Variants in UBE2V2 observed in about 807,000 individuals in gnomAD.
UBE2V2 encodes ubiquitin-conjugating enzyme E2 variant 2.
A neutral mutation model predicts 17.2 loss-of-function variants in UBE2V2; 9 were observed. The observed-to-expected ratio is 0.52, with a 90% CI of 0.32 to 0.91. The LOEUF is 0.91. Among genes scored for constraint, UBE2V2 ranks in the 40% least tolerant of loss-of-function variants. The pLI is 0.04. For missense variants in UBE2V2, 133 were observed against 182.6 expected (o/e 0.73, Z 1.56); for synonymous variants, 61 against 57.5 (o/e 1.06, Z -0.28).
chr8:48,022,685 C>G (rs750424652), intron 1 of UBE2V2, among the ~76,000 whole-genome samples: 1 of 152,076 alleles, frequency 6.6e-6, no homozygotes, highest in Non-Finnish European at 1.5e-5. Flanking sequence ...TAAGGCAGGT[C>G]TTGTGGTGAT....
At chr8:48,053,705 C>T (rs376501187) in intron 3 of UBE2V2, among the ~76,000 whole-genome samples, 32 of 152,042 alleles carry the variant, frequency 2.1e-4, no homozygotes, top group Non-Finnish European at 1.5e-4. Context: ...AGATTACAGG[C>T]GTGAGCCACC....
At chr8:48,008,300 C>G, upstream of UBE2V2, 1 of 940,212 alleles carries the variant, frequency 1.1e-6, no homozygotes, top group Middle Eastern at 3.6e-4. Flanking sequence ...CGAGGCCCCG[C>G]GACCCCTCGG....
intron 3 of UBE2V2, among the ~76,000 whole-genome samples, chr8:48,051,038 G>A (rs2091533270): frequency 6.6e-6 from 1 of 152,054 alleles, no homozygotes; most frequent in Non-Finnish European, 1.5e-5. Context: ...GGTAGAGATG[G>A]GGTTTCGTCA....
the UBE2V2 span, among the ~76,000 whole-genome samples, chr8:48,002,039 A>G: frequency 6.6e-6 from 1 of 152,004 alleles, no homozygotes; most frequent in African/African-American, 2.4e-5. Context: ...CAGTGAGCTG[A>G]GATTGCGCTA....
At chr8:48,018,447 G>A (rs1002055378) in intron 1 of UBE2V2, among the ~76,000 whole-genome samples, 15 of 152,036 alleles carry the variant, frequency 9.9e-5, no homozygotes, top group Non-Finnish European at 1.9e-4. Context: ...TAACTTCCAT[G>A]TTTTTGTGAA....
intron 1 of UBE2V2, chr8:48,035,107 CTTTTTTTTT>C (rs578114987): frequency 7.0e-6 from 6 of 855,592 alleles, no homozygotes; most frequent in African/African-American, 5.3e-5. Context: ...CCTATTTATT[CTTTTTTTTT>C]TTTTTTTTTT....
upstream of UBE2V2, among the ~76,000 whole-genome samples, chr8:48,007,317 A>G (rs930215395): frequency 1.3e-5 from 2 of 152,286 alleles, 1 homozygote; most frequent in African/African-American, 4.8e-5. Context: ...AGGAAGTCAA[A>G]TTGTCTCTGT....
intron 1 of UBE2V2, among the ~76,000 whole-genome samples, chr8:48,015,839 G>A (rs992593906): frequency 1.3e-5 from 2 of 151,300 alleles, no homozygotes; most frequent in Non-Finnish European, 2.9e-5. Context: ...TTTATGATTG[G>A]AACAGTGTCC....
In UBE2V2 at chr8:48,061,865, CA is replaced by C. The variant is rs1291745554; in HGVS notation, c.*1040del. The C allele has an allele frequency of 6.6e-5, 10 of 152,086 alleles. No individual in the cohort carries two copies. The highest frequency in any genetic ancestry group is 2.2e-4 in the African/African-American group (9 of 41,404). The allele number at this position is 152,086 out of a possible 1,614,324, so 9.4% of individuals were successfully genotyped here. A position where few individuals can be genotyped will look rare whatever the true frequency, so the allele number is the denominator to read the frequency against. On this transcript the variant is annotated 3_prime_UTR_variant, in exon 4 of 4. Transcript: ENST00000523111. Reference sequence around the variant, plus strand: ...TTAGGATTATAGGTTGCAAATTATCCAAATATATATCCCATTTTTTAAAGCA... The same window carrying C: ...TTAGGATTATAGGTTGCAAATTATCCAATATATATCCCATTTTTTAAAGCA...
At chr8:48,042,922 T>C (rs2091473728) in intron 1 of UBE2V2, 111 bp from the exon 2 acceptor site, 4 of 1,128,608 alleles carry the variant, frequency 3.5e-6, no homozygotes, top group South Asian at 3.3e-5. Context: ...GGGGATTTGG[T>C]CTTTTTGGGA....
At chr8:48,054,231 C>T (rs913618014) in intron 3 of UBE2V2, among the ~76,000 whole-genome samples, 3 of 152,164 alleles carry the variant, frequency 2.0e-5, no homozygotes, top group African/African-American at 7.2e-5. Flanking sequence ...GTGGCCTGCC[C>T]CTTTCCATGG....
At chr8:48,044,078 T>C (rs2091482421) in intron 2 of UBE2V2, among the ~76,000 whole-genome samples, 1 of 152,202 alleles carries the variant, frequency 6.6e-6, no homozygotes, top group South Asian at 2.1e-4. Flanking sequence ...TTTTGTATAC[T>C]GGTTGCTACC....
intron 1 of UBE2V2, among the ~76,000 whole-genome samples, chr8:48,022,617 G>C (rs1292498761): frequency 6.6e-6 from 1 of 151,998 alleles, no homozygotes; most frequent in Non-Finnish European, 1.5e-5. Context: ...AGATGTTTTT[G>C]TGTTACTCAT....
chr8:48,017,169 TTGA>T (rs1237715864), intron 1 of UBE2V2, among the ~76,000 whole-genome samples: 1 of 152,132 alleles, frequency 6.6e-6, no homozygotes, highest in African/African-American at 2.4e-5. Flanking sequence ...TTGCATTTCT[TTGA>T]TGATTAGTGA....
At chr8:48,003,261 T>C in the UBE2V2 span, among the ~76,000 whole-genome samples, 11 of 151,156 alleles carry the variant, frequency 7.3e-5, no homozygotes, top group Admixed American at 7.3e-4. Flanking sequence ...ATAACAGAAT[T>C]GTTGATTGCT....
In UBE2V2 at chr8:48,035,851, G is replaced by A. The variant is rs569354149; in HGVS notation, c.17-7182G>A. ...GGTTGCAGTGAGCTGAGATCATGCCGCTGCACTGTAGCCTGGGTGACAGAG... is the reference window on the plus strand; with the variant it reads ...GGTTGCAGTGAGCTGAGATCATGCCACTGCACTGTAGCCTGGGTGACAGAG... On this transcript the variant is annotated intron_variant, in intron 1 of 3. Transcript: ENST00000523111. Among the ~76,000 whole-genome samples, 432 of 150,382 alleles carry A rather than the reference G, an allele frequency of 2.9e-3. 3 individuals carry two copies. Among genetic ancestry groups the A allele is most frequent in the African/African-American group, 0.01 (423 of 40,944 alleles).
At chr8:48,008,350 C>A, upstream of UBE2V2, 1 of 1,394,550 alleles carries the variant, frequency 7.2e-7, no homozygotes, top group Non-Finnish European at 9.3e-7. Context: ...CCGCGCCCGC[C>A]GGGGGCGGAG....
upstream of UBE2V2, among the ~76,000 whole-genome samples, chr8:48,005,712 T>C (rs1357247002): frequency 6.6e-6 from 1 of 152,258 alleles, no homozygotes; most frequent in Non-Finnish European, 1.5e-5. Context: ...ATCACCATTC[T>C]ACCTGGTGTG....
At position 48,061,795 on chromosome 8, in the gene UBE2V2, C is replaced by T; in HGVS notation, c.*967C>T. On this transcript the variant is annotated 3_prime_UTR_variant, in exon 4 of 4. Transcript: ENST00000523111. The stretch of plus-strand genomic sequence containing the variant: ...TATTATATTTTGAGTTTGATTTCAC[C>T]AGAAATAATAATATTAAAAAGATCT... 6.6e-6 allele frequency: 1 copy of T among 152,108 alleles called. No homozygotes were observed. The highest frequency in any genetic ancestry group is 2.1e-4 in the South Asian group (1 of 4,822). The allele number at this position is 152,108 out of a possible 1,614,324, so 9.4% of individuals were successfully genotyped here. A position where few individuals can be genotyped will look rare whatever the true frequency, so the allele number is the denominator to read the frequency against.
Sources: allele counts gnomAD v4.1 joint callset (sites outside exome capture counted in the v4.1 genomes callset), GRCh38; gene constraint gnomAD v4.1.1; transcripts MANE v1.5; gene names NCBI Gene and HGNC (gene_info 2026-07-23, HGNC 2026-07-21).